Variants in HECTD2 observed in about 807,000 individuals in gnomAD.
The protein encoded by HECTD2 is probable E3 ubiquitin-protein ligase HECTD2.
HECTD2 carries 35 observed loss-of-function variants against 103.2 expected under a neutral mutation model. The observed-to-expected ratio is 0.34, with a 90% CI of 0.26 to 0.45. The LOEUF is 0.45. Ranked by LOEUF, HECTD2 falls within the 20% of genes least tolerant of loss-of-function variation. HECTD2 has a pLI of 1.00. For synonymous variants in HECTD2, 281 were observed against 329.9 expected, an observed-to-expected ratio of 0.85 and a Z score of 1.61; for missense variants, 596 against 937.4, an observed-to-expected ratio of 0.64 and a Z score of 4.76.
chr10:91,495,742 T>C (rs577467293), intron 14 of HECTD2, among the ~76,000 whole-genome samples: 1 of 152,250 alleles, frequency 6.6e-6, no homozygotes, highest in East Asian at 1.9e-4. Context: ...TATATCCATA[T>C]GTTTATTCAG....
At chr10:91,446,149 C>A (rs983809039) in intron 2 of HECTD2, among the ~76,000 whole-genome samples, 2 of 151,734 alleles carry the variant, frequency 1.3e-5, no homozygotes, top group Non-Finnish European at 2.9e-5. Flanking sequence ...TGGCAGGTGC[C>A]CCTCTGGGAC....
chr10:91,510,269 A>G (rs1170371494), intron 20 of HECTD2, among the ~76,000 whole-genome samples: 1 of 152,176 alleles, frequency 6.6e-6, no homozygotes, highest in African/African-American at 2.4e-5. Context: ...TGTAATGTAG[A>G]ATGGCCAAGA....
chr10:91,446,234 A>G (rs1049673889), intron 2 of HECTD2, among the ~76,000 whole-genome samples: 1 of 147,948 alleles, frequency 6.8e-6, no homozygotes, highest in Non-Finnish European at 1.5e-5. Context: ...CCAGGCAAAC[A>G]GGGTCTGGAG....
Position 91,460,492 on chromosome 10 carries a change from T to C in HECTD2, c.334T>C (p.Ser112Pro), listed in dbSNP as rs200710574. The C allele has an allele frequency of 3.0e-5, 48 of 1,612,370 alleles. No homozygotes were observed. The highest frequency in any genetic ancestry group is 3.3e-5 in the Non-Finnish European group (39 of 1,178,752). The change falls in exon 3 of 21, where the codon TCA becomes CCA. Residue 112 changes from serine to proline, a missense_variant. Ser to Pro is a moderately conservative substitution (Grantham distance 74). Transcript: ENST00000298068. ...QKQRTSMDAS[S>P]SEMKAPVLPE... is the part of the protein sequence containing the mutation. Reference sequence around the variant, plus strand: ...ACAGCGTACATCTATGGATGCATCATCATCCGAAATGAAGGCCCCAGTCCT... The same window carrying C: ...ACAGCGTACATCTATGGATGCATCACCATCCGAAATGAAGGCCCCAGTCCT...
intron 2 of HECTD2, among the ~76,000 whole-genome samples, chr10:91,451,757 A>G (rs919021926): frequency 6.6e-6 from 1 of 152,150 alleles, no homozygotes; most frequent in Non-Finnish European, 1.5e-5. Flanking sequence ...AGTTGATGGT[A>G]GAGCCAAGGA....
intron 20 of HECTD2, among the ~76,000 whole-genome samples, chr10:91,504,100 G>T (rs1437452688): frequency 1.3e-5 from 2 of 151,940 alleles, no homozygotes; most frequent in Non-Finnish European, 2.9e-5. Context: ...CAAACAGAAA[G>T]GACATCCACA....
At chr10:91,425,936 A>G (rs1035770199) in intron 2 of HECTD2, among the ~76,000 whole-genome samples, 2 of 152,038 alleles carry the variant, frequency 1.3e-5, no homozygotes, top group African/African-American at 4.8e-5. Context: ...TATTTATAGT[A>G]GTGATATTGG....
chr10:91,424,564 C>T (rs572334732), intron 1 of HECTD2, among the ~76,000 whole-genome samples: 67 of 152,172 alleles, frequency 4.4e-4, no homozygotes, highest in Admixed American at 2.4e-3. Context: ...TTTAATCTTG[C>T]GCTTCAAAGT....
intron 1 of HECTD2, among the ~76,000 whole-genome samples, chr10:91,424,960 A>G (rs866886293): frequency 1.4e-4 from 21 of 152,220 alleles, no homozygotes; most frequent in Middle Eastern, 3.4e-3. Flanking sequence ...TGTAGTTAAC[A>G]TTAATGGAGG....
chr10:91,486,452 A>G lies in HECTD2; in HGVS notation c.1094+1149A>G, dbSNP rs554692090. The G allele has an allele frequency of 5.9e-5, 9 of 152,326 alleles. No homozygotes were observed. In the South Asian group the frequency reaches 1.7e-3, roughly 28 times the overall value. The allele number at this position is 152,326 out of a possible 1,614,324, so 9.4% of individuals were successfully genotyped here. A position where few individuals can be genotyped will look rare whatever the true frequency, so the allele number is the denominator to read the frequency against. Reference sequence around the variant, plus strand: ...CATCTTTTAATATAGAGCTTCCTCTAACAACTGTGCCACAACACTGGTGTA... The same window carrying G: ...CATCTTTTAATATAGAGCTTCCTCTGACAACTGTGCCACAACACTGGTGTA... On this transcript the variant is annotated intron_variant, in intron 10 of 20. Coordinates refer to ENST00000298068, the MANE Select transcript of HECTD2 (RefSeq NM_182765.6).
At chr10:91,430,087 C>G (rs1393790994) in intron 2 of HECTD2, among the ~76,000 whole-genome samples, 2 of 152,144 alleles carry the variant, frequency 1.3e-5, no homozygotes, top group Admixed American at 6.6e-5. Context: ...TATCTTTGTT[C>G]TTGTTGGTTT....
intron 20 of HECTD2, among the ~76,000 whole-genome samples, chr10:91,509,733 T>C (rs1367805758): frequency 2.0e-5 from 3 of 152,024 alleles, no homozygotes; most frequent in Non-Finnish European, 4.4e-5. Context: ...ACTGAGTACA[T>C]GTGAACACAA....
chr10:91,471,537 A>G (rs1845727156), intron 5 of HECTD2, among the ~76,000 whole-genome samples: 1 of 152,128 alleles, frequency 6.6e-6, no homozygotes, highest in South Asian at 2.1e-4. Flanking sequence ...ATCTTTGCAG[A>G]TGTTATTATT....
intron 1 of HECTD2, among the ~76,000 whole-genome samples, chr10:91,414,742 G>A (rs935700982): frequency 6.6e-6 from 1 of 152,164 alleles, no homozygotes; most frequent in South Asian, 2.1e-4. Flanking sequence ...ATCCAGTGAC[G>A]AAAACAGCAT....
In HECTD2 at chr10:91,410,460, C is replaced by T. The variant is rs1842867759; in HGVS notation, c.22C>T (p.Pro8Ser). 3.4e-6 allele frequency: 5 copies of T among 1,458,976 alleles called. No homozygotes were observed. Among genetic ancestry groups the T allele is most frequent in the Admixed American group, 2.4e-5 (1 of 41,050 alleles). 90.4% of individuals were successfully genotyped at this position (1,458,976 alleles called of 1,614,324 possible). ...CGACATGAGTGAGGCGGTTCGGGTA[C>T]CCTCGCCCGCCACTCCGCTGGTGGT... is the stretch of plus-strand genomic sequence containing the variant. The part of the protein sequence containing the change: MSEAVRV[P>S]SPATPLVVAA... Residue 8 changes from proline (P) to serine (S), a missense_variant, in exon 1 of 21, where the codon CCC (proline) becomes TCC (serine). Pro to Ser is a moderately conservative substitution (Grantham distance 74, BLOSUM62 -1). Around this residue, in one of 4 missense-constraint regions of HECTD2, gnomAD observed 220 missense variants for 233.9 expected, o/e 0.94. Coordinates refer to ENST00000298068, the MANE Select transcript of HECTD2 (RefSeq NM_182765.6).
intron 2 of HECTD2, among the ~76,000 whole-genome samples, chr10:91,434,200 T>C (rs924402955): frequency 6.6e-6 from 1 of 152,008 alleles, no homozygotes; most frequent in Non-Finnish European, 1.5e-5. Context: ...ATTTTATTTT[T>C]TGCCAAATGT....
At chr10:91,474,481 A>G (rs1000306951) in intron 5 of HECTD2, among the ~76,000 whole-genome samples, 1 of 152,194 alleles carries the variant, frequency 6.6e-6, no homozygotes, top group Non-Finnish European at 1.5e-5. Flanking sequence ...TTCAGAAGAT[A>G]TGGCCTTTAG....
chr10:91,409,688 G>C (rs1429565905), upstream of HECTD2, among the ~76,000 whole-genome samples: 1 of 152,198 alleles, frequency 6.6e-6, no homozygotes, highest in Non-Finnish European at 1.5e-5. Context: ...CCATCCAGGC[G>C]TGTACAAAAG....
chr10:91,507,346 C>G (rs1271828385), intron 20 of HECTD2, among the ~76,000 whole-genome samples: 1 of 151,528 alleles, frequency 6.6e-6, no homozygotes, highest in Non-Finnish European at 1.5e-5. Flanking sequence ...TCCCTGTTTG[C>G]AGATGACATG....
Sources: gnomAD v4.1 joint callset for allele counts (sites outside exome capture counted in the v4.1 genomes callset) on GRCh38, gnomAD v4.1.1 for gene constraint, gnomAD v4.1.1 regional missense constraint, MANE v1.5 for transcripts, NCBI Gene and HGNC (gene_info 2026-07-23, HGNC 2026-07-21) for gene names.